The following OLA1 variants were observed in gnomAD, a reference collection of about 807,000 sequenced individuals.
The protein encoded by OLA1 is Obg like ATPase 1.
OLA1 carries 14 observed loss-of-function variants against 48.4 expected under a neutral mutation model. The ratio of observed to expected loss-of-function variants is 0.29; its 90% CI spans 0.19 to 0.45. The LOEUF (loss-of-function observed/expected upper bound fraction) is 0.45, where lower values mean the gene tolerates loss of function less well. Ranked by LOEUF, OLA1 falls within the 20% of genes least tolerant of loss-of-function variation. The pLI is 1.00. For synonymous variants in OLA1, 127 were observed against 150.4 expected (o/e 0.84, Z 1.14); for missense variants, 325 against 467.1 (o/e 0.70, Z 2.80).
At chr2:174,186,708 T>C (rs1469234559) in intron 4 of OLA1, among the ~76,000 whole-genome samples, 2 of 151,830 alleles carry the variant, frequency 1.3e-5, no homozygotes, top group African/African-American at 4.8e-5. Context: ...GTGTAAAAAA[T>C]TATCGAAAAT....
intron 4 of OLA1, among the ~76,000 whole-genome samples, chr2:174,193,091 C>CTTTTTTTTT (rs34103927): frequency 2.2e-5 from 3 of 137,934 alleles, no homozygotes; most frequent in Non-Finnish European, 3.1e-5. Flanking sequence ...TTCTTTCTTT[C>CTTTTTTTTT]TTTTTTTTTT....
intron 5 of OLA1, among the ~76,000 whole-genome samples, chr2:174,132,492 T>A (rs752675406): frequency 6.6e-6 from 1 of 152,162 alleles, no homozygotes; most frequent in Non-Finnish European, 1.5e-5. Flanking sequence ...TATGACTAAA[T>A]GTATAGAACT....
At chr2:174,235,676 G>A (rs554879180) in intron 2 of OLA1, among the ~76,000 whole-genome samples, 1 of 152,302 alleles carries the variant, frequency 6.6e-6, no homozygotes, top group South Asian at 2.1e-4. Context: ...TGAGAGTTAG[G>A]AGGCCAAGGC....
At chr2:174,232,709 A>AT (rs1378564975) in intron 2 of OLA1, among the ~76,000 whole-genome samples, 1 of 152,222 alleles carries the variant, frequency 6.6e-6, no homozygotes, top group East Asian at 1.9e-4. Context: ...AAACAAGATG[A>AT]TAAGTGTTGG....
At chr2:174,104,979 T>C (rs1685483537) in intron 7 of OLA1, among the ~76,000 whole-genome samples, 1 of 151,920 alleles carries the variant, frequency 6.6e-6, no homozygotes, top group African/African-American at 2.4e-5. Flanking sequence ...ATTTTTATTC[T>C]TGTTCTAATG....
chr2:174,091,224 T>C (rs555036346), intron 7 of OLA1, among the ~76,000 whole-genome samples: 3 of 152,310 alleles, frequency 2.0e-5, no homozygotes, highest in South Asian at 4.1e-4. Flanking sequence ...CTGGTCTAGA[T>C]AAGTAGTTTT....
intron 7 of OLA1, among the ~76,000 whole-genome samples, chr2:174,119,940 A>AACACAC (rs541858637): frequency 7.7e-6 from 1 of 129,674 alleles, no homozygotes; most frequent in Non-Finnish European, 1.7e-5. Flanking sequence ...ATGTGTGTAT[A>AACACAC]ACACACACAC....
intron 4 of OLA1, among the ~76,000 whole-genome samples, chr2:174,149,473 T>C (rs1453690295): frequency 6.6e-6 from 1 of 152,192 alleles, no homozygotes; most frequent in Non-Finnish European, 1.5e-5. Flanking sequence ...TCTGAGGCAG[T>C]ATCAAATGAA....
At chr2:174,149,342 T>C (rs549965079) in intron 4 of OLA1, among the ~76,000 whole-genome samples, 11 of 152,318 alleles carry the variant, frequency 7.2e-5, no homozygotes, top group Admixed American at 1.3e-4. Context: ...GTCATTTCTT[T>C]TCTTGTTATA....
rs548023695 is a variant in OLA1 at position 174,211,765 on chromosome 2, A to G, written c.373+11268T>C. 2.0e-5 allele frequency among the ~76,000 whole-genome samples: 3 copies of G among 152,312 alleles called. No individual in the cohort carries two copies. In the East Asian group the frequency reaches 5.8e-4, roughly 29 times the overall value. ...TTGGCTGTCCAATACTGTAGCAAAT[A>G]GCCACAAGATATTAAGTACCATTAA... is the stretch of plus-strand genomic sequence containing the variant. On this transcript the variant is annotated intron_variant, in intron 4 of 10. Coordinates refer to ENST00000284719, the MANE Select transcript of OLA1 (RefSeq NM_013341.5).
chr2:174,224,963 T>A (rs75557894), intron 3 of OLA1, among the ~76,000 whole-genome samples: 1,692 of 152,266 alleles, frequency 0.011, 32 homozygotes, highest in African/African-American at 0.039. Context: ...CTAAAACCAC[T>A]CATATGATAA....
chr2:174,081,083 G>A, intron 9 of OLA1, 69 bp downstream of exon 9: 1 of 1,319,018 alleles, frequency 7.6e-7, no homozygotes, highest in Non-Finnish European at 1.1e-6. Flanking sequence ...AAACTTCAAA[G>A]TCAGTGATAT....
rs567445836 is a variant in OLA1 at position 174,077,277 on chromosome 2, C to T, written c.1089+1691G>A. Among the ~76,000 whole-genome samples, 6 of 152,238 alleles carry T rather than the reference C, an allele frequency of 3.9e-5. No homozygotes were observed. In the East Asian group the frequency reaches 9.6e-4, roughly 24 times the overall value. On this transcript the variant is annotated intron_variant, in intron 10 of 10. Transcript: ENST00000284719. ...GAGCTATTCAGTATATAGTTCACAG[C>T]ACTGGCATTAAATTAGTTATGCTGC...
chr2:174,158,411 G>A (rs529168951), intron 4 of OLA1, among the ~76,000 whole-genome samples: 1 of 151,530 alleles, frequency 6.6e-6, no homozygotes. Context: ...GCGACAGACA[G>A]TACAACCGGG....
chr2:174,202,181 CTT>C (rs1415172258), intron 4 of OLA1, among the ~76,000 whole-genome samples: 4 of 151,938 alleles, frequency 2.6e-5, no homozygotes, highest in African/African-American at 7.3e-5. Flanking sequence ...ATTATAAAAA[CTT>C]AAGAATTTAT....
At chr2:174,135,154 C>T (rs1443397476) in intron 5 of OLA1, among the ~76,000 whole-genome samples, 3 of 132,662 alleles carry the variant, frequency 2.3e-5, no homozygotes, top group African/African-American at 8.3e-5. Context: ...AGCAAGACTC[C>T]GCCTCCAAAA....
intron 4 of OLA1, among the ~76,000 whole-genome samples, chr2:174,175,529 A>G (rs1338412891): frequency 1.3e-5 from 2 of 152,030 alleles, no homozygotes; most frequent in Admixed American, 6.5e-5. Flanking sequence ...GAAAGCCACA[A>G]TATTCTCTAT....
intron 1 of OLA1, chr2:174,248,218 T>C (rs1689172211): frequency 6.3e-6 from 1 of 158,548 alleles, no homozygotes; most frequent in Non-Finnish European, 1.4e-5. Context: ...CCACCGGGCG[T>C]CCTGGCGTCG....
At position 174,082,013 on chromosome 2, in the gene OLA1, G is replaced by C. The variant is rs768528757; in HGVS notation, c.780C>G (p.Val260=). The C allele has an allele frequency of 3.1e-6, 5 of 1,613,302 alleles. No homozygotes were observed. The African/African-American group carries it at 6.7e-5, about 22-fold the overall frequency. ...WVDKYDPGAL[V]IPFSGALELK... is the part of the protein sequence containing the mutation. ...GTTCCAAGGCCCCACTAAAAGGAAT[G>C]ACCAAAGCACCTGGGTCATACTTGT... Residue 260 remains valine, a synonymous_variant, in exon 8 of 11, where the codon GTC becomes GTG. Coordinates refer to ENST00000284719, the MANE Select transcript of OLA1 (RefSeq NM_013341.5).
Sources: allele counts gnomAD v4.1 joint callset (sites outside exome capture counted in the v4.1 genomes callset), GRCh38; gene constraint gnomAD v4.1.1; transcripts MANE v1.5; gene names NCBI Gene and HGNC (gene_info 2026-07-23, HGNC 2026-07-21).